AKAP14: variants seen among roughly 807,000 people sequenced by gnomAD.
The protein encoded by AKAP14 is A-kinase anchor protein 14.
AKAP14 carries 4 observed loss-of-function variants against 17.0 expected under a neutral mutation model. The ratio of observed to expected loss-of-function variants is 0.23; its 90% CI spans 0.12 to 0.54. The LOEUF (loss-of-function observed/expected upper bound fraction) is 0.54, where lower values mean the gene tolerates loss of function less well. Among genes scored for constraint, AKAP14 ranks in the 20% least tolerant of loss-of-function variants. The probability of loss-of-function intolerance (pLI) is 0.95; values close to 1 mark genes in which losing one functional copy is unlikely to be tolerated. For synonymous variants in AKAP14, 42 were observed against 51.3 expected, an observed-to-expected ratio of 0.82 and a Z score of 0.77; for missense variants, 129 against 150.9, an observed-to-expected ratio of 0.85 and a Z score of 0.76.
chrX:119,912,779 T>C (rs896992270), intron 4 of AKAP14, among the ~76,000 whole-genome samples: 1 of 111,562 alleles, frequency 9.0e-6, no homozygotes, highest in Non-Finnish European at 1.9e-5. Flanking sequence ...AGACCCTCCA[T>C]GCATATCAAA....
At chrX:119,897,426 T>C (rs1423580751) in intron 2 of AKAP14, among the ~76,000 whole-genome samples, 1 of 111,534 alleles carries the variant, frequency 9.0e-6, no homozygotes, top group African/African-American at 3.3e-5. Context: ...CCCAAAGTGC[T>C]GGGATTATAG....
At chrX:119,914,623 A>G in intron 4 of AKAP14, 76 bp from the exon 5 acceptor site, 1 of 1,015,609 alleles carries the variant, frequency 9.8e-7, no homozygotes, top group Non-Finnish European at 1.3e-6. Flanking sequence ...GCACCCAGCC[A>G]TGCTGCATTT....
rs1350392449 is a variant in AKAP14 at position 119,900,179 on chromosome X, G to T, written c.-10-3035G>T. 3.6e-5 allele frequency among the ~76,000 whole-genome samples: 4 copies of T among 110,458 alleles called. No individual in the cohort carries two copies. In the East Asian group the frequency reaches 8.6e-4, roughly 24 times the overall value. On this transcript the variant is annotated intron_variant, in intron 2 of 6. Coordinates refer to ENST00000371431, the MANE Select transcript of AKAP14 (RefSeq NM_178813.6). Reference sequence around the variant, plus strand: ...GTGATCTGGGCTCACCACAACCTCCGCCTCCCAGATTCAAGCGATTCTCCT... The same window carrying T: ...GTGATCTGGGCTCACCACAACCTCCTCCTCCCAGATTCAAGCGATTCTCCT...
rs1250051753 is a variant in AKAP14 at position 119,911,497 on chromosome X, G to A, written c.262-3202G>A. On this transcript the variant is annotated intron_variant, in intron 4 of 6. Coordinates refer to ENST00000371431, the MANE Select transcript of AKAP14 (RefSeq NM_178813.6). ...ACCAGTGTTCAAAGGGAAAGGGTGT[G>A]AAGTCACATCTGGTTGGAAGAGGGA... Among the ~76,000 whole-genome samples, 3 of 111,452 alleles carry A rather than the reference G, an allele frequency of 2.7e-5. 1 individual carries two copies.
intron 6 of AKAP14, 147 bp from the exon 7 acceptor site, chrX:119,920,361 C>T: frequency 1.1e-5 from 5 of 439,827 alleles, no homozygotes; most frequent in Non-Finnish European, 1.9e-5. Flanking sequence ...ACATAGAGAA[C>T]CTTAGCTACC....
Position 119,914,792 on chromosome X carries a change from T to G in AKAP14, c.355T>G (p.Trp119Gly). 8.3e-7 allele frequency: 1 copy of G among 1,210,018 alleles called. No homozygotes were observed. The highest frequency in any genetic ancestry group is 1.8e-5 in the South Asian group (1 of 56,934). ...HSFLYIYYVH[W>G]SISTADLPVA... ...CTTCCTCTACATCTACTATGTACAC[T>G]GGAGTATCTCAACTGCTGACCTACC... is the stretch of plus-strand genomic sequence containing the variant. The change falls in exon 5 of 7, where the codon TGG becomes GGG. Residue 119 changes from tryptophan to glycine, a missense_variant. By Grantham distance (184) the Trp-to-Gly change is radical (BLOSUM62 -2). Coordinates refer to ENST00000371431, the MANE Select transcript of AKAP14 (RefSeq NM_178813.6).
chrX:119,919,908 T>C lies in AKAP14; in HGVS notation c.442-3T>C, dbSNP rs201292589. The C allele has an allele frequency of 6.0e-5, 72 of 1,207,994 alleles. No individual in the cohort carries two copies. Among genetic ancestry groups the C allele is most frequent in the Non-Finnish European group, 7.9e-5 (71 of 893,918 alleles). On this transcript the variant is annotated splice_polypyrimidine_tract_variant and splice_region_variant and intron_variant, in intron 5 of 6. Transcript: ENST00000371431. ...GGCTAACAGTTGTCCTTCTCTTTTT[T>C]AGGATGCACCCATTGTTGTTTCTTA...
rs1165345491 is a variant in AKAP14 at position 119,903,250 on chromosome X, C to A, written c.27C>A (p.Ser9Arg). Residue 9 changes from serine (S) to arginine (R), a missense_variant, in exon 3 of 7, where the codon AGC becomes AGA. Physicochemically the swap from Ser to Arg is moderately radical, Grantham distance 110. Coordinates refer to ENST00000371431, the MANE Select transcript of AKAP14 (RefSeq NM_178813.6). ...TGAGTGAGACTCAAAATTCAACAAG[C>A]CAGAAAGCAATGGATGAGGATAACA... Reference protein sequence around the residue: MSETQNSTSQKAMDEDNKA... With the variant: MSETQNSTRQKAMDEDNKA... 4.1e-6 allele frequency: 5 copies of A among 1,209,882 alleles called. No individual in the cohort carries two copies. Among genetic ancestry groups the A allele is most frequent in the South Asian group, 3.6e-5 (2 of 56,338 alleles).
At chrX:119,918,097 CT>C (rs1009912609) in intron 5 of AKAP14, among the ~76,000 whole-genome samples, 2 of 112,522 alleles carry the variant, frequency 1.8e-5, no homozygotes, top group Non-Finnish European at 3.8e-5. Context: ...TTTGCACTTG[CT>C]TTTTCTTTTG....
At chrX:119,897,260 T>C (rs948573336) in intron 2 of AKAP14, among the ~76,000 whole-genome samples, 48 of 107,072 alleles carry the variant, frequency 4.5e-4, no homozygotes, top group Non-Finnish European at 7.9e-4. Flanking sequence ...CCCGGATTCA[T>C]GCCATTCTCC....
intron 2 of AKAP14, among the ~76,000 whole-genome samples, chrX:119,899,185 A>AT (rs2056550162): frequency 2.9e-5 from 3 of 102,680 alleles, no homozygotes; most frequent in Non-Finnish European, 5.9e-5. Flanking sequence ...AAAAAAAAAA[A>AT]GGAAGAAAGA....
chrX:119,906,226 T>C (rs2056596187), intron 4 of AKAP14, among the ~76,000 whole-genome samples: 1 of 31,086 alleles, frequency 3.2e-5, no homozygotes, highest in Non-Finnish European at 4.8e-5. Flanking sequence ...CTGGCATTTC[T>C]TTTTTTTTTT....
chrX:119,900,507 A>G (rs1414536549), intron 2 of AKAP14, among the ~76,000 whole-genome samples: 1 of 112,205 alleles, frequency 8.9e-6, no homozygotes, highest in Non-Finnish European at 1.9e-5. Context: ...TGCTGGGATT[A>G]CAGGCGTGTG....
At chrX:119,896,841 C>T (rs1309770973) in intron 2 of AKAP14, among the ~76,000 whole-genome samples, 25 of 87,449 alleles carry the variant, frequency 2.9e-4, no homozygotes, top group African/African-American at 7.2e-4. Flanking sequence ...GACAGAGTCT[C>T]GCTCTGTCGC....
chrX:119,911,458 A>G (rs1483631700), intron 4 of AKAP14, among the ~76,000 whole-genome samples: 1 of 111,347 alleles, frequency 9.0e-6, no homozygotes, highest in African/African-American at 3.3e-5. Flanking sequence ...TAAGACAGGC[A>G]GAAAACAAGT....
At position 119,914,725 on chromosome X, in the gene AKAP14, A is replaced by G; in HGVS notation, c.288A>G (p.Ala96=). The change falls in exon 5 of 7, where the codon GCA becomes GCG. Residue 96 remains alanine, a synonymous_variant. Transcript: ENST00000371431. Reference sequence around the variant, plus strand: ...AGTGTGTTTCTAAAAAATGCTGGGCACATGGCGTAGAGTTTGTAGAGAGGA... The same window carrying G: ...AGTGTGTTTCTAAAAAATGCTGGGCGCATGGCGTAGAGTTTGTAGAGAGGA... The part of the protein sequence containing the change: ...FSKCVSKKCW[A]HGVEFVERKD... 1 of 1,208,668 alleles carries G rather than the reference A, an allele frequency of 8.3e-7. No individual in the cohort carries two copies. The highest frequency in any genetic ancestry group is 1.1e-6 in the Non-Finnish European group (1 of 894,511).
intron 5 of AKAP14, 168 bp from the exon 6 acceptor site, chrX:119,919,743 G>A (rs762838972): frequency 1.4e-5 from 6 of 422,632 alleles, no homozygotes; most frequent in Non-Finnish European, 1.2e-5. Context: ...CTACTCAGGA[G>A]GCTGAGGCAG....
chrX:119,897,041 C>G (rs113209994), intron 2 of AKAP14, among the ~76,000 whole-genome samples: 1 of 110,686 alleles, frequency 9.0e-6, no homozygotes, highest in African/African-American at 3.3e-5. Flanking sequence ...AACTCCTGAC[C>G]TCAGGTAATC....
At position 119,903,577 on chromosome X, in the gene AKAP14, A is replaced by C; in HGVS notation, c.252A>C (p.Glu84Asp). 1.7e-6 allele frequency: 2 copies of C among 1,211,507 alleles called. No individual in the cohort carries two copies. The highest frequency in any genetic ancestry group is 2.2e-6 in the Non-Finnish European group (2 of 895,347). Residue 84 changes from glutamate (E) to aspartate (D), a missense_variant, in exon 4 of 7, where the codon GAA (glutamate) becomes GAC (aspartate). Glu to Asp is a conservative substitution (Grantham distance 45). Transcript: ENST00000371431. ...TVEKGLKQID[E>D]YFSKCVSKKC... Reference sequence around the variant, plus strand: ...AAAAGGGTCTTAAACAAATTGACGAATATTTTTCGGTAAGTTAGGCCGACC... The same window carrying C: ...AAAAGGGTCTTAAACAAATTGACGACTATTTTTCGGTAAGTTAGGCCGACC...
Sources: gnomAD v4.1 joint callset for allele counts (sites outside exome capture counted in the v4.1 genomes callset) on GRCh38, gnomAD v4.1.1 for gene constraint, MANE v1.5 for transcripts, NCBI Gene and HGNC (gene_info 2026-07-23, HGNC 2026-07-21) for gene names.